The following RGS5 variants were observed in gnomAD, a reference collection of about 807,000 sequenced individuals.
RGS5 encodes the protein regulator of G protein signaling 5, also known as regulator of G-protein signalling 5.
Under a neutral mutation model 18.9 loss-of-function variants are expected in RGS5, and 20 were observed. The observed-to-expected ratio is 1.06, with a 90% confidence interval of 0.74 to 1.54. The LOEUF (loss-of-function observed/expected upper bound fraction) is 1.54, where lower values mean the gene tolerates loss of function less well. RGS5 is among the 40% of genes most tolerant of loss of function. The pLI is 0.00. For synonymous variants in RGS5, 57 were observed against 76.2 expected, an observed-to-expected ratio of 0.75 and a Z score of 1.31; for missense variants, 201 against 211.8, an observed-to-expected ratio of 0.95 and a Z score of 0.32.
In RGS5 at chr1:163,145,138, C is replaced by T. The variant is rs1029014675; in HGVS notation, c.*2204G>A. On this transcript the variant is annotated 3_prime_UTR_variant, in exon 5 of 5. Transcript: ENST00000313961. ...TCTTATTTTCCGCTGAGAGGTCTAC[C>T]CACTTTCATAGGGTGTCCAGTCAAT... 3.3e-5 allele frequency: 5 copies of T among 152,128 alleles called. No individual in the cohort carries two copies. The highest frequency in any genetic ancestry group is 1.2e-4 in the African/African-American group (5 of 41,414). The allele number at this position is 152,128 out of a possible 1,614,324, so 9.4% of individuals were successfully genotyped here. A position where few individuals can be genotyped will look rare whatever the true frequency, so the allele number is the denominator to read the frequency against.
At position 163,144,837 on chromosome 1, in the gene RGS5, T is replaced by G. The variant is rs1657068190; in HGVS notation, c.*2505A>C. 6.6e-6 allele frequency: 1 copy of G among 152,648 alleles called. No homozygotes were observed. The highest frequency in any genetic ancestry group is 2.4e-5 in the African/African-American group (1 of 41,470). 9.5% of individuals were successfully genotyped at this position (152,648 alleles called of 1,614,324 possible). ...TCAGAAGTGTTCAAAGAAATTTTCT[T>G]GAACAATTTTAATATGTTTGATTTC... On this transcript the variant is annotated 3_prime_UTR_variant, in exon 5 of 5. Coordinates refer to ENST00000313961, the MANE Select transcript of RGS5 (RefSeq NM_003617.4).
chr1:163,306,275 T>C (rs950394399), exon 2 of RGS5: 2 of 152,248 alleles, frequency 1.3e-5, no homozygotes, highest in Admixed American at 1.3e-4. Flanking sequence ...TTCAGTTAAC[T>C]TTCTCCTTTT....
At chr1:163,178,469 C>T (rs1043560613) in intron 1 of RGS5, among the ~76,000 whole-genome samples, 3 of 152,214 alleles carry the variant, frequency 2.0e-5, no homozygotes, top group Non-Finnish European at 2.9e-5. Context: ...TATGCATTTT[C>T]AGGAGTCCAG....
At chr1:163,161,487 T>C (rs1033606217) in intron 3 of RGS5, among the ~76,000 whole-genome samples, 1 of 152,158 alleles carries the variant, frequency 6.6e-6, no homozygotes, top group Non-Finnish European at 1.5e-5. Flanking sequence ...GTTGACAGTA[T>C]AATAGTTTGA....
intron 2 of RGS5, among the ~76,000 whole-genome samples, chr1:163,259,208 G>C (rs1044637593): frequency 6.6e-6 from 1 of 151,938 alleles, no homozygotes; most frequent in Non-Finnish European, 1.5e-5. Context: ...CTGAAGTGCA[G>C]TGGCGTGATC....
chr1:163,234,531 T>G (rs1160444258), intron 2 of RGS5, among the ~76,000 whole-genome samples: 1 of 152,212 alleles, frequency 6.6e-6, no homozygotes, highest in African/African-American at 2.4e-5. Flanking sequence ...ATCATAAAAC[T>G]AGACTTTAAG....
intron 1 of RGS5, among the ~76,000 whole-genome samples, chr1:163,310,508 G>A (rs748638984): frequency 6.6e-6 from 1 of 150,416 alleles, no homozygotes; most frequent in Non-Finnish European, 1.5e-5. Context: ...CCGGGAGGTG[G>A]AGCTTGCAGT....
intron 2 of RGS5, among the ~76,000 whole-genome samples, chr1:163,223,080 G>C (rs1647264854): frequency 1.3e-5 from 2 of 152,018 alleles, no homozygotes; most frequent in Admixed American, 1.3e-4. Flanking sequence ...CCTGACCTCA[G>C]GTGATCCTCC....
chr1:163,172,733 A>T (rs1005778819), intron 1 of RGS5: 1 of 936,650 alleles, frequency 1.1e-6, no homozygotes, highest in Non-Finnish European at 1.5e-6. Context: ...ATTAAATTTA[A>T]TTAGGAGTTC....
intron 2 of RGS5, among the ~76,000 whole-genome samples, chr1:163,258,028 C>T (rs965668331): frequency 7.2e-5 from 11 of 152,154 alleles, no homozygotes; most frequent in African/African-American, 2.7e-4. Context: ...CTGCTGTGTT[C>T]CCACCAGCTC....
chr1:163,162,670 A>T (rs1387812286), intron 2 of RGS5: 1 of 152,188 alleles, frequency 6.6e-6, no homozygotes, highest in Non-Finnish European at 1.5e-5. Flanking sequence ...TGCTGACTCA[A>T]AAGGAGAAGG....
chr1:163,295,395 T>A (rs1455160908), intron 2 of RGS5, among the ~76,000 whole-genome samples: 2 of 152,216 alleles, frequency 1.3e-5, no homozygotes, highest in Non-Finnish European at 2.9e-5. Context: ...TCCTTTTGTT[T>A]TCATAAAAAT....
At chr1:163,253,209 C>T (rs1472670194) in intron 2 of RGS5, among the ~76,000 whole-genome samples, 3 of 152,102 alleles carry the variant, frequency 2.0e-5, no homozygotes, top group South Asian at 4.2e-4. Context: ...TTCCTGTGTC[C>T]GAGTACTCTG....
chr1:163,303,708 T>C (rs941490339), intron 2 of RGS5, among the ~76,000 whole-genome samples: 2 of 152,170 alleles, frequency 1.3e-5, no homozygotes, highest in Non-Finnish European at 2.9e-5. Context: ...GTCTGTGGCC[T>C]GTTAGGAACC....
chr1:163,217,852 AAC>A (rs1660251433), upstream of RGS5, among the ~76,000 whole-genome samples: 6 of 152,190 alleles, frequency 3.9e-5, no homozygotes. Context: ...AATGTAAACT[AAC>A]AGAGAGAAAA....
At chr1:163,210,459 A>AT (rs1660078485) in intron 1 of RGS5, among the ~76,000 whole-genome samples, 1 of 152,158 alleles carries the variant, frequency 6.6e-6, no homozygotes, top group Admixed American at 6.6e-5. Flanking sequence ...TTGCCCTGAA[A>AT]TTTTTTTAAA....
At chr1:163,256,295 C>T (rs1218615856) in intron 2 of RGS5, among the ~76,000 whole-genome samples, 2 of 148,998 alleles carry the variant, frequency 1.3e-5, no homozygotes, top group African/African-American at 5.0e-5. Context: ...ACAAAAATCA[C>T]AAGCATTCTT....
chr1:163,245,199 C>T (rs544325307), intron 2 of RGS5, among the ~76,000 whole-genome samples: 22 of 152,290 alleles, frequency 1.4e-4, no homozygotes, highest in Admixed American at 1.1e-3. Flanking sequence ...GGTAGTCTAT[C>T]GTCTTGCTCT....
At chr1:163,276,659 T>C (rs1228988792) in intron 2 of RGS5, among the ~76,000 whole-genome samples, 1 of 152,192 alleles carries the variant, frequency 6.6e-6, no homozygotes, top group Non-Finnish European at 1.5e-5. Context: ...ACCTAGAACA[T>C]TTAAATTGGC....
Sources: allele counts gnomAD v4.1 joint callset (sites outside exome capture counted in the v4.1 genomes callset), GRCh38; gene constraint gnomAD v4.1.1; transcripts MANE v1.5; gene names NCBI Gene and HGNC (gene_info 2026-07-23, HGNC 2026-07-21).